The following NRP2 variants were observed in gnomAD, a reference collection of about 807,000 sequenced individuals.
The protein encoded by NRP2 is neuropilin 2.
NRP2 carries 52 observed loss-of-function variants against 110.4 expected under a neutral mutation model. The observed-to-expected ratio is 0.47, with a 90% CI of 0.38 to 0.59. NRP2 has a LOEUF of 0.59. Ranked by LOEUF, NRP2 falls within the 20% of genes least tolerant of loss-of-function variation. The probability of loss-of-function intolerance (pLI) is 0.00; values close to 1 mark genes in which losing one functional copy is unlikely to be tolerated. For synonymous variants in NRP2, 508 were observed against 468.9 expected, an observed-to-expected ratio of 1.08 and a Z score of -1.08; for missense variants, 1,049 against 1,203.0, an observed-to-expected ratio of 0.87 and a Z score of 1.89.
intron 1 of NRP2, among the ~76,000 whole-genome samples, chr2:205,689,680 CCTT>C (rs1337108001): frequency 3.9e-5 from 6 of 152,058 alleles, no homozygotes; most frequent in Non-Finnish European, 8.8e-5. Flanking sequence ...TTTTTTCCCT[CCTT>C]CTTCCTCTGT....
At chr2:205,727,800 C>A (rs141373382) in intron 6 of NRP2, 91 bp from the exon 7 acceptor site, 241 of 1,332,268 alleles carry the variant, frequency 1.8e-4, no homozygotes, top group Admixed American at 3.5e-4. Flanking sequence ...AGGTTGGAAG[C>A]AAAGTCTAAT....
chr2:205,717,330 C>T (rs1016034272), intron 3 of NRP2, among the ~76,000 whole-genome samples: 4 of 152,138 alleles, frequency 2.6e-5, no homozygotes, highest in Admixed American at 6.5e-5. Flanking sequence ...GAGTCTGGTT[C>T]GAGGGGAGGT....
chr2:205,785,423 C>A (rs1359754987), intron 15 of NRP2, among the ~76,000 whole-genome samples: 4 of 152,184 alleles, frequency 2.6e-5, no homozygotes, highest in African/African-American at 9.7e-5. Flanking sequence ...GGGGAAAAAA[C>A]AGCAGGTTTT....
chr2:205,776,880 C>A, intron 15 of NRP2: 1 of 1,213,140 alleles, frequency 8.2e-7, no homozygotes, highest in Non-Finnish European at 1.0e-6. Flanking sequence ...CCCATACCTC[C>A]TCTCAGTGGG....
intron 10 of NRP2, among the ~76,000 whole-genome samples, chr2:205,746,376 G>A (rs2057539197): frequency 1.3e-5 from 2 of 152,366 alleles, no homozygotes; most frequent in East Asian, 1.9e-4. Flanking sequence ...GGGAGCTGAT[G>A]GGGGCAGGAC....
At chr2:205,732,746 A>T (rs1442286442) in intron 7 of NRP2, among the ~76,000 whole-genome samples, 1 of 152,158 alleles carries the variant, frequency 6.6e-6, no homozygotes, top group Non-Finnish European at 1.5e-5. Context: ...AGTCATCCAG[A>T]CCTTTCCCTG....
chr2:205,765,351 C>G, intron 13 of NRP2, 123 bp from the exon 14 acceptor site: 1 of 548,602 alleles, frequency 1.8e-6, no homozygotes, highest in South Asian at 1.9e-5. Flanking sequence ...GGTGCAATAA[C>G]ACACACACAC....
rs539153369 is a variant in NRP2, at chr2:205,705,094, C to G, written c.251+7373C>G. On this transcript the variant is annotated intron_variant, in intron 2 of 16. Transcript: ENST00000357785. Reference sequence around the variant, plus strand: ...TATTCTTTTTGTTTTGTCCTTTTTACTGGCAAGGGATTTAAGCCTTTGGAT... The same window carrying G: ...TATTCTTTTTGTTTTGTCCTTTTTAGTGGCAAGGGATTTAAGCCTTTGGAT... Among the ~76,000 whole-genome samples the G allele has an allele frequency of 2.1e-4, 32 of 151,668 alleles. 2 individuals carry two copies. The highest frequency in any genetic ancestry group is 1.0e-3 in the South Asian group (5 of 4,810).
intron 16 of NRP2, among the ~76,000 whole-genome samples, chr2:205,794,399 C>T (rs985307634): frequency 2.6e-5 from 4 of 152,318 alleles, no homozygotes; most frequent in East Asian, 1.9e-4. Context: ...CGTGAGCCAC[C>T]GCGCCCGGCC....
At position 205,750,812 on chromosome 2, in the gene NRP2, A is replaced by T. The variant is rs562352370; in HGVS notation, c.1903+971A>T. 3.5e-4 allele frequency among the ~76,000 whole-genome samples: 53 copies of T among 152,206 alleles called. 1 individual carries two copies. The highest frequency in any genetic ancestry group is 5.9e-4 in the Non-Finnish European group (40 of 68,040). ...ATAGGTAGATGGCAAAATCTGTGGA[A>T]CCTGCAAGCACAGCCGTTTGACAGT... On this transcript the variant is annotated intron_variant, in intron 11 of 16. Coordinates refer to ENST00000357785, the MANE Select transcript of NRP2 (RefSeq NM_003872.3).
intron 2 of NRP2, among the ~76,000 whole-genome samples, chr2:205,706,776 G>A (rs1225465200): frequency 1.3e-5 from 2 of 152,106 alleles, no homozygotes; most frequent in Non-Finnish European, 2.9e-5. Flanking sequence ...TTATCTTCTT[G>A]GGGGCCTTTT....
chr2:205,683,429 C>A, intron 1 of NRP2, 66 bp downstream of exon 1: 1 of 1,142,678 alleles, frequency 8.8e-7, no homozygotes, highest in Non-Finnish European at 1.3e-6. Flanking sequence ...ACCGCTAAAG[C>A]AGGAAGGCCA....
intron 14 of NRP2, among the ~76,000 whole-genome samples, chr2:205,765,967 A>G (rs1006432803): frequency 1.3e-5 from 2 of 152,236 alleles, no homozygotes; most frequent in African/African-American, 4.8e-5. Context: ...AAAATAGTAC[A>G]TATGTTATGT....
At chr2:205,767,754 T>C (rs1463153676) in intron 15 of NRP2, 1 of 187,230 alleles carries the variant, frequency 5.3e-6, no homozygotes, top group African/African-American at 2.4e-5. Context: ...TCACTGCAGT[T>C]GGCCTGAGTG....
At position 205,797,254 on chromosome 2, in the gene NRP2, G is replaced by A. The variant is rs2058359045; in HGVS notation, c.*2196G>A. On this transcript the variant is annotated 3_prime_UTR_variant, in exon 17 of 17. Transcript: ENST00000357785. ...CTCCTGAGTTCGGCCCACAGTAGAA[G>A]CAAGATTTTAACTAGCCCCTTTTCC... 1 of 152,668 alleles carries A rather than the reference G, an allele frequency of 6.6e-6. No homozygotes were observed. The highest frequency in any genetic ancestry group is 2.4e-5 in the African/African-American group (1 of 41,442). 9.5% of individuals were successfully genotyped at this position (152,668 alleles called of 1,614,324 possible).
intron 6 of NRP2, 50 bp downstream of exon 6, chr2:205,726,132 G>T: frequency 6.3e-7 from 1 of 1,590,380 alleles, no homozygotes; most frequent in East Asian, 2.2e-5. Context: ...TATTGCTGGG[G>T]TAGGAGGGTA....
rs1283086682 is a variant in NRP2, at chr2:205,683,500, C to T, written c.73+137C>T. 3.5e-5 allele frequency: 25 copies of T among 707,000 alleles called. No individual in the cohort carries two copies. The East Asian group carries it at 4.9e-4, about 14-fold the overall frequency. The allele number at this position is 707,000 out of a possible 1,614,324, so 43.8% of individuals were successfully genotyped here. A position where few individuals can be genotyped will look rare whatever the true frequency, so the allele number is the denominator to read the frequency against. The stretch of plus-strand genomic sequence containing the variant: ...CAATAATTTAAAGAGAGATCCCAGC[C>T]GGCCCTTCCTACACCACCACGGCTG... On this transcript the variant is annotated intron_variant, in intron 1 of 16. Coordinates refer to ENST00000357785, the MANE Select transcript of NRP2 (RefSeq NM_003872.3).
chr2:205,776,648 TCCCCAA>T (rs1389510435), intron 15 of NRP2: 33 of 1,572,680 alleles, frequency 2.1e-5, no homozygotes, highest in Non-Finnish European at 2.8e-5. Context: ...CTTTCCCGGA[TCCCCAA>T]CCCTGAGCAC....
At chr2:205,784,884 A>G (rs2058218951) in intron 15 of NRP2, among the ~76,000 whole-genome samples, 1 of 152,146 alleles carries the variant, frequency 6.6e-6, no homozygotes, top group Non-Finnish European at 1.5e-5. Flanking sequence ...TACTTCCTCC[A>G]ATAATTGCAT....
Sources: allele counts gnomAD v4.1 joint callset (sites outside exome capture counted in the v4.1 genomes callset), GRCh38; gene constraint gnomAD v4.1.1; transcripts MANE v1.5; gene names NCBI Gene and HGNC (gene_info 2026-07-23, HGNC 2026-07-21).